DPYD: variants seen among roughly 807,000 people sequenced by gnomAD.
DPYD encodes dihydropyrimidine dehydrogenase [NADP(+)].
A neutral mutation model predicts 116.2 loss-of-function variants in DPYD; 109 were observed. The observed-to-expected ratio is 0.94, with a 90% confidence interval of 0.80 to 1.10. DPYD has a LOEUF of 1.10. Among genes scored for constraint, DPYD ranks in the 50% least tolerant of loss-of-function variants. The pLI is 0.00. For synonymous variants in DPYD, 440 were observed against 432.0 expected (o/e 1.02, Z -0.23); for missense variants, 1,302 against 1,254.5 (o/e 1.04, Z -0.57).
intron 20 of DPYD, among the ~76,000 whole-genome samples, chr1:97,135,917 A>G (rs1169719853): frequency 6.6e-6 from 1 of 152,196 alleles, no homozygotes; most frequent in Non-Finnish European, 1.5e-5. Flanking sequence ...ACAATGGACT[A>G]TGGCCATTTT....
chr1:97,641,954 A>G (rs965953407), intron 8 of DPYD, among the ~76,000 whole-genome samples: 7 of 152,210 alleles, frequency 4.6e-5, no homozygotes, highest in Non-Finnish European at 7.3e-5. Flanking sequence ...TTATACACCA[A>G]TAACAGACAA....
At chr1:97,195,634 G>GTATGTGTATATATATATA (rs1557929548) in intron 19 of DPYD, among the ~76,000 whole-genome samples, 1 of 57,732 alleles carries the variant, frequency 1.7e-5, no homozygotes, top group Non-Finnish European at 3.3e-5. Flanking sequence ...ATATGTATGT[G>GTATGTGTATATATATATA]TATATATATA....
intron 14 of DPYD, among the ~76,000 whole-genome samples, chr1:97,387,342 C>T (rs1264742756): frequency 6.6e-6 from 1 of 152,044 alleles, no homozygotes; most frequent in South Asian, 2.1e-4. Context: ...TTAGCATTTT[C>T]GTGTATTCAA....
intron 13 of DPYD, among the ~76,000 whole-genome samples, chr1:97,488,055 T>C (rs1171377490): frequency 6.6e-6 from 1 of 152,004 alleles, no homozygotes; most frequent in African/African-American, 2.4e-5. Context: ...GCTAAGCAAA[T>C]TGTGGTTATA....
At chr1:97,214,062 T>C (rs1328140880) in intron 19 of DPYD, among the ~76,000 whole-genome samples, 1 of 152,108 alleles carries the variant, frequency 6.6e-6, no homozygotes, top group Non-Finnish European at 1.5e-5. Context: ...TTCTCCTGGG[T>C]TTCCAGCAAC....
At chr1:97,254,025 A>C (rs1402454593) in intron 18 of DPYD, among the ~76,000 whole-genome samples, 3 of 152,136 alleles carry the variant, frequency 2.0e-5, no homozygotes, top group African/African-American at 7.2e-5. Context: ...ACAGAACTCT[A>C]TTAAGGCTTT....
chr1:97,696,131 A>G (rs971518595), intron 6 of DPYD, among the ~76,000 whole-genome samples: 3 of 151,608 alleles, frequency 2.0e-5, no homozygotes, highest in Non-Finnish European at 4.4e-5. Context: ...CTCTTTCAAA[A>G]AAAAAAGAAA....
At chr1:97,618,745 T>TA (rs1455356191) in intron 8 of DPYD, among the ~76,000 whole-genome samples, 4 of 152,110 alleles carry the variant, frequency 2.6e-5, no homozygotes, top group Non-Finnish European at 4.4e-5. Context: ...ACTTCAGAAA[T>TA]AAACGTAGGA....
At chr1:97,367,050 C>T (rs1671076603) in intron 16 of DPYD, among the ~76,000 whole-genome samples, 1 of 152,062 alleles carries the variant, frequency 6.6e-6, no homozygotes, top group African/African-American at 2.4e-5. Context: ...TCCCTGGACA[C>T]TGCATTGCAT....
intron 13 of DPYD, among the ~76,000 whole-genome samples, chr1:97,493,125 T>G (rs1014092240): frequency 6.6e-6 from 1 of 152,196 alleles, no homozygotes; most frequent in South Asian, 2.1e-4. Context: ...ACTTCTCTGT[T>G]GTACATTACA....
At chr1:97,306,403 G>T (rs868646991) in intron 16 of DPYD, 106 bp from the exon 17 acceptor site, 15 of 1,394,828 alleles carry the variant, frequency 1.1e-5, no homozygotes, top group Middle Eastern at 1.8e-4. Context: ...AATCCAACTT[G>T]ACAATGAGCT....
intron 1 of DPYD, among the ~76,000 whole-genome samples, chr1:97,887,125 T>C (rs1279827103): frequency 6.6e-6 from 1 of 151,974 alleles, no homozygotes; most frequent in Non-Finnish European, 1.5e-5. Flanking sequence ...TATCCAAGGC[T>C]GCACCCTGTG....
intron 3 of DPYD, among the ~76,000 whole-genome samples, chr1:97,781,781 T>G (rs115091873): frequency 0.022 from 3,277 of 152,332 alleles, 44 homozygotes; most frequent in Non-Finnish European, 0.033. Flanking sequence ...ACAAGTCAAC[T>G]CACATTTTTT....
At chr1:97,311,631 C>A (rs561226894) in intron 16 of DPYD, among the ~76,000 whole-genome samples, 1 of 151,730 alleles carries the variant, frequency 6.6e-6, no homozygotes, top group Non-Finnish European at 1.5e-5. Context: ...GATGCAAACT[C>A]CAGAATACAT....
intron 3 of DPYD, among the ~76,000 whole-genome samples, chr1:97,776,647 CACAG>C (rs1222287000): frequency 6.6e-6 from 1 of 152,144 alleles, no homozygotes; most frequent in Non-Finnish European, 1.5e-5. Context: ...CTCTGTTTTG[CACAG>C]ACAATCTAAA....
rs376157541 is a variant in DPYD at position 97,201,593 on chromosome 1, G to A, written c.2443-8345C>T. Among the ~76,000 whole-genome samples the A allele has an allele frequency of 8.4e-4, 128 of 152,146 alleles. 2 individuals carry two copies. The South Asian group carries it at 0.025, about 30-fold the overall frequency. The stretch of plus-strand genomic sequence containing the variant: ...AAATATAGGTTAAAAGACAGCCCCT[G>A]GAGATACATAGTAAATAGGGAACTA... On this transcript the variant is annotated intron_variant, in intron 19 of 22. Transcript: ENST00000370192.
intron 2 of DPYD, among the ~76,000 whole-genome samples, chr1:97,869,260 A>G (rs1283828316): frequency 6.6e-6 from 1 of 151,834 alleles, no homozygotes; most frequent in African/African-American, 2.4e-5. Flanking sequence ...GAAAGCTTCA[A>G]GGGTCTATGC....
At chr1:97,242,309 T>TA (rs1261970618) in intron 18 of DPYD, among the ~76,000 whole-genome samples, 1 of 150,606 alleles carries the variant, frequency 6.6e-6, no homozygotes, top group African/African-American at 2.4e-5. Context: ...AGTTACTCTA[T>TA]TAAATAAATT....
intron 3 of DPYD, among the ~76,000 whole-genome samples, chr1:97,759,081 C>T (rs1043050498): frequency 2.0e-5 from 3 of 152,190 alleles, no homozygotes; most frequent in African/African-American, 7.2e-5. Flanking sequence ...GGTGTTCATG[C>T]CCATTCCACC....
Sources: gnomAD v4.1 joint callset for allele counts (sites outside exome capture counted in the v4.1 genomes callset) on GRCh38, gnomAD v4.1.1 for gene constraint, MANE v1.5 for transcripts, NCBI Gene and HGNC (gene_info 2026-07-23, HGNC 2026-07-21) for gene names.